Variants in MYO1A observed in about 807,000 individuals in gnomAD.
The protein encoded by MYO1A is myosin IA, also known as unconventional myosin-Ia.
MYO1A carries 127 observed loss-of-function variants against 138.5 expected under a neutral mutation model. The ratio of observed to expected loss-of-function variants is 0.92; its 90% CI spans 0.79 to 1.06. MYO1A has a LOEUF of 1.06. Among genes scored for constraint, MYO1A ranks in the 50% least tolerant of loss-of-function variants. The pLI is 0.00. For missense variants in MYO1A, 1,211 were observed against 1,288.8 expected (o/e 0.94, Z 0.92); for synonymous variants, 477 against 497.5 (o/e 0.96, Z 0.55).
At position 57,043,334 on chromosome 12, in the gene MYO1A, A is replaced by T; in HGVS notation, c.917T>A (p.Val306Glu). ...GRGVREIGEM[V>E]GLNSEEVERA... Reference sequence around the variant, plus strand: ...CTCTACTTCTTCTGAATTCAAGCCCACCATCTCCCCAATCTCCCGAACACC... The same window carrying T: ...CTCTACTTCTTCTGAATTCAAGCCCTCCATCTCCCCAATCTCCCGAACACC... Residue 306 changes from valine (V) to glutamate (E), a missense_variant, in exon 11 of 28, where the codon GTG becomes GAG. Transcript: ENST00000300119. 1 of 1,614,108 alleles carries T rather than the reference A, an allele frequency of 6.2e-7. No individual in the cohort carries two copies. The highest frequency in any genetic ancestry group is 8.5e-7 in the Non-Finnish European group (1 of 1,179,978).
chr12:57,048,450 C>T (rs2031218192), intron 1 of MYO1A, 107 bp from the exon 2 acceptor site: 1 of 755,158 alleles, frequency 1.3e-6, no homozygotes, highest in African/African-American at 1.7e-5. Context: ...TCTCTTCCTA[C>T]CCTGGCCCTA....
intron 8 of MYO1A, 59 bp from the exon 9 acceptor site, chr12:57,044,268 C>A: frequency 7.5e-7 from 1 of 1,340,482 alleles, no homozygotes; most frequent in Non-Finnish European, 1.1e-6. Context: ...AGCCCTCCAG[C>A]CTTGACACCT....
At position 57,029,964 on chromosome 12, in the gene MYO1A, C is replaced by A; in HGVS notation, c.2592-92G>T. ...CCATCCTAGTCCTCCCGGGCCCTTC[C>A]CCCACATCCACGTATCCTCTGTCAG... On this transcript the variant is annotated intron_variant, in intron 24 of 27. Coordinates refer to ENST00000300119, the MANE Select transcript of MYO1A (RefSeq NM_005379.4). The A allele has an allele frequency of 3.2e-6, 5 of 1,584,376 alleles. 1 individual carries two copies. In the Middle Eastern group the frequency reaches 5.0e-4, roughly 158 times the overall value.
intron 22 of MYO1A, among the ~76,000 whole-genome samples, chr12:57,033,490 G>A (rs1170602054): frequency 2.0e-5 from 3 of 152,016 alleles, no homozygotes; most frequent in Non-Finnish European, 4.4e-5. Context: ...CCAAGTAGCT[G>A]GGACTACAGG....
chr12:57,036,360 A>G lies in MYO1A; in HGVS notation c.2296T>C (p.Tyr766His). ...GWKARKNYRK[Y>H]FRSEAALTLA... is the part of the protein sequence containing the mutation. ...GTGAGGGCAGCCTCTGACCGGAAAT[A>G]TTTGCGATAATTCTTTCGGGCCTGG... Residue 766 changes from tyrosine (Y) to histidine (H), a missense_variant, in exon 22 of 28, where the codon TAT becomes CAT. Coordinates refer to ENST00000300119, the MANE Select transcript of MYO1A (RefSeq NM_005379.4). 1.2e-6 allele frequency: 2 copies of G among 1,613,834 alleles called. No homozygotes were observed. Among genetic ancestry groups the G allele is most frequent in the South Asian group, 2.2e-5 (2 of 91,064 alleles).
At chr12:57,044,348 G>T in intron 8 of MYO1A, 139 bp from the exon 9 acceptor site, 1 of 719,764 alleles carries the variant, frequency 1.4e-6, no homozygotes, top group African/African-American at 1.7e-5. Context: ...TTCTTCCCCT[G>T]CCTCCTTTGT....
intron 23 of MYO1A, among the ~76,000 whole-genome samples, chr12:57,030,776 C>T (rs189245473): frequency 1.6e-4 from 24 of 152,082 alleles, no homozygotes; most frequent in Non-Finnish European, 3.1e-4. Flanking sequence ...GGGGTTATTG[C>T]TTAATGGGTA....
At chr12:57,050,291 G>T (rs945690239), upstream of MYO1A, among the ~76,000 whole-genome samples, 7 of 152,216 alleles carry the variant, frequency 4.6e-5, no homozygotes, top group African/African-American at 1.7e-4. Context: ...ACTAAAGGAG[G>T]GTTCTTGCTC....
intron 12 of MYO1A, among the ~76,000 whole-genome samples, chr12:57,042,410 T>G (rs1423556713): frequency 6.6e-6 from 1 of 152,224 alleles, no homozygotes; most frequent in Non-Finnish European, 1.5e-5. Context: ...GGGCTGTTTC[T>G]ACTTTTTGGC....
chr12:57,036,650 C>G, intron 21 of MYO1A, 122 bp downstream of exon 21: 1 of 1,227,106 alleles, frequency 8.1e-7, no homozygotes, highest in Non-Finnish European at 1.2e-6. Context: ...CACACATGGA[C>G]CGGCTGATAC....
chr12:57,035,622 T>C (rs531028548), intron 22 of MYO1A, among the ~76,000 whole-genome samples: 13 of 152,316 alleles, frequency 8.5e-5, no homozygotes, highest in South Asian at 2.1e-4. Context: ...CAAGGTTTCA[T>C]TGGAAGTGCT....
At chr12:57,038,266 G>T in intron 17 of MYO1A, 146 bp downstream of exon 17, 1 of 1,115,354 alleles carries the variant, frequency 9.0e-7, no homozygotes, top group Non-Finnish European at 1.3e-6. Flanking sequence ...GGGACTCTCA[G>T]CTCCTTATCT....
upstream of MYO1A, chr12:57,050,264 G>A (rs557620595): frequency 3.3e-5 from 5 of 152,352 alleles, no homozygotes; most frequent in East Asian, 1.9e-4. Flanking sequence ...TCTGGCTGGC[G>A]TTAGCTGAGA....
rs200763429 is a variant in MYO1A at position 57,046,568 on chromosome 12, T to G, written c.624A>C (p.Ala208=). ...GGCACATACTCAGCAGCTGTTCATC[T>G]GCTCCAGCCAGCAGCTGATAGAAGA... is the stretch of plus-strand genomic sequence containing the variant. The part of the protein sequence containing the change: ...FHIFYQLLAG[A]DEQLLKALKL... Residue 208 remains alanine (A), a synonymous_variant, in exon 8 of 28, where the codon GCA becomes GCC. Transcript: ENST00000300119. 38 of 1,613,958 alleles carry G rather than the reference T, an allele frequency of 2.4e-5. No homozygotes were observed. Among genetic ancestry groups the G allele is most frequent in the Non-Finnish European group, 3.0e-5 (35 of 1,179,864 alleles).
chr12:57,047,996 G>T lies in MYO1A; in HGVS notation c.223C>A (p.Pro75Thr). ...YQDYTFYELK[P>T]HIYALANVAY... ...CTTGGTCCCCCTACTCACATATGGG[G>T]CTTCAGCTCATAGAAAGTATAGTCT... is the stretch of plus-strand genomic sequence containing the variant. Residue 75 changes from proline to threonine, a missense_variant, in exon 3 of 28, where the codon CCC (proline) becomes ACC (threonine). Coordinates refer to ENST00000300119, the MANE Select transcript of MYO1A (RefSeq NM_005379.4). 6.2e-7 allele frequency: 1 copy of T among 1,613,552 alleles called. No individual in the cohort carries two copies. The highest frequency in any genetic ancestry group is 8.5e-7 in the Non-Finnish European group (1 of 1,179,458).
At position 57,038,487 on chromosome 12, in the gene MYO1A, G is replaced by A; in HGVS notation, c.1685C>T (p.Thr562Ile). 2 of 1,614,234 alleles carry A rather than the reference G, an allele frequency of 1.2e-6. No homozygotes were observed. Among genetic ancestry groups the A allele is most frequent in the Non-Finnish European group, 1.7e-6 (2 of 1,180,040 alleles). ...PKQASLKRPP[T>I]AGAQFKSSVA... is the part of the protein sequence containing the mutation. ...AGAACTCTTGAACTGGGCCCCAGCA[G>A]TCGGGGGGCGTTTGAGAGATGCCTG... Residue 562 changes from threonine to isoleucine, a missense_variant, in exon 17 of 28, where the codon ACT (threonine) becomes ATT (isoleucine). Transcript: ENST00000300119.
intron 15 of MYO1A, 75 bp downstream of exon 15, chr12:57,039,137 A>G (rs2030741167): frequency 1.3e-6 from 2 of 1,567,464 alleles, no homozygotes; most frequent in Admixed American, 3.3e-5. Flanking sequence ...GTGGGGAATC[A>G]GGGAGAGAGA....
intron 1 of MYO1A, among the ~76,000 whole-genome samples, chr12:57,049,531 CAATAAG>C (rs2031263804): frequency 6.6e-6 from 1 of 152,204 alleles, no homozygotes; most frequent in Admixed American, 6.5e-5. Context: ...ACTGAGGAAG[CAATAAG>C]AATATCAATA....
chr12:57,039,395 G>A, intron 14 of MYO1A, 121 bp from the exon 15 acceptor site: 1 of 790,186 alleles, frequency 1.3e-6, no homozygotes, highest in East Asian at 2.5e-5. Flanking sequence ...AGTTCACAGG[G>A]GTCCTTGGTA....
Sources: gnomAD v4.1 joint callset for allele counts (sites outside exome capture counted in the v4.1 genomes callset) on GRCh38, gnomAD v4.1.1 for gene constraint, MANE v1.5 for transcripts, NCBI Gene and HGNC (gene_info 2026-07-23, HGNC 2026-07-21) for gene names.